SPG11: variants seen among roughly 807,000 people sequenced by gnomAD.
SPG11 encodes SPG11 vesicle trafficking associated, spatacsin.
Under a neutral mutation model 274.0 loss-of-function variants are expected in SPG11, and 222 were observed. The ratio of observed to expected loss-of-function variants is 0.81; its 90% CI spans 0.73 to 0.91. SPG11 has a LOEUF of 0.91. Ranked by LOEUF, SPG11 falls within the 40% of genes least tolerant of loss-of-function variation. The pLI, the probability that SPG11 is intolerant of heterozygous loss-of-function variation, is 0.00. For missense variants in SPG11, 3,114 were observed against 2,872.7 expected (o/e 1.08, Z -1.92); for synonymous variants, 1,144 against 1,039.7 (o/e 1.10, Z -1.93).
intron 19 of SPG11, among the ~76,000 whole-genome samples, chr15:44,606,713 A>T (rs960616713): frequency 6.6e-6 from 1 of 152,212 alleles, no homozygotes; most frequent in Non-Finnish European, 1.5e-5. Flanking sequence ...AAAAAAAGTC[A>T]GGATTTGGAT....
intron 7 of SPG11, 37 bp from the exon 8 acceptor site, chr15:44,633,674 T>C: frequency 1.2e-6 from 2 of 1,601,222 alleles, no homozygotes; most frequent in Non-Finnish European, 1.7e-6. Context: ...AGAAAAAAAT[T>C]ACAATAGGAA....
Position 44,589,477 on chromosome 15 carries a change from CA to C in SPG11, c.4744-64del, listed in dbSNP as rs996566078. The C allele has an allele frequency of 1.2e-5, 19 of 1,597,026 alleles. No individual in the cohort carries two copies. In the African/African-American group the frequency reaches 2.0e-4, roughly 17 times the overall value. Reference sequence around the variant, plus strand: ...CATGAGAATAGCAAATCAAAACCTCCAAATCTGGGAACCTCTAAGAAAGCTA... The same window carrying C: ...CATGAGAATAGCAAATCAAAACCTCCAATCTGGGAACCTCTAAGAAAGCTA... On this transcript the variant is annotated intron_variant, in intron 27 of 39. Coordinates refer to ENST00000261866, the MANE Select transcript of SPG11 (RefSeq NM_025137.4).
At chr15:44,660,770 G>A (rs1333841452) in intron 1 of SPG11, among the ~76,000 whole-genome samples, 154 bp from the exon 2 acceptor site, 3 of 152,126 alleles carry the variant, frequency 2.0e-5, no homozygotes, top group African/African-American at 7.2e-5. Context: ...AACTGCTCTA[G>A]GACCTCCCTC....
chr15:44,600,375 C>G, intron 21 of SPG11, 92 bp downstream of exon 21: 1 of 1,423,936 alleles, frequency 7.0e-7, no homozygotes, highest in Non-Finnish European at 9.9e-7. Flanking sequence ...TCCTTGAACT[C>G]CTGGGCTCAA....
At chr15:44,567,074 G>A (rs531796077) in intron 36 of SPG11, among the ~76,000 whole-genome samples, 2 of 152,064 alleles carry the variant, frequency 1.3e-5, no homozygotes, top group Non-Finnish European at 2.9e-5. Context: ...ATCGAGGGCC[G>A]GGCATGGTGG....
rs938121563 is a variant in SPG11 at position 44,563,062 on chromosome 15, C to T, written c.*59G>A. On this transcript the variant is annotated 3_prime_UTR_variant, in exon 40 of 40. Coordinates refer to ENST00000261866, the MANE Select transcript of SPG11 (RefSeq NM_025137.4). ...CAAAGATCTCCAATGCATTCTTCTT[C>T]TCATCACATCTGTCAGAATCTGCTA... 2.6e-6 allele frequency: 4 copies of T among 1,534,382 alleles called. No individual in the cohort carries two copies. The highest frequency in any genetic ancestry group is 2.2e-5 in the East Asian group (1 of 44,454).
chr15:44,631,803 C>CTTTT (rs1205482825), intron 8 of SPG11, among the ~76,000 whole-genome samples: 37 of 100,458 alleles, frequency 3.7e-4, no homozygotes, highest in Non-Finnish European at 5.0e-4. Flanking sequence ...CTGCACCCAG[C>CTTTT]TTTTTTTTTT....
At chr15:44,638,336 T>C (rs2141070735) in intron 7 of SPG11, among the ~76,000 whole-genome samples, 1 of 152,280 alleles carries the variant, frequency 6.6e-6, no homozygotes. Flanking sequence ...GGCAGGCGCC[T>C]GTAATCCTAG....
intron 31 of SPG11, 56 bp downstream of exon 31, chr15:44,574,846 C>T (rs1462799862): frequency 1.2e-6 from 2 of 1,609,838 alleles, no homozygotes; most frequent in South Asian, 1.1e-5. Context: ...AAATCAACCT[C>T]AAACTTCTCA....
At chr15:44,570,739 G>A (rs2082406335) in intron 33 of SPG11, 81 bp from the exon 34 acceptor site, 1 of 1,556,440 alleles carries the variant, frequency 6.4e-7, no homozygotes, top group African/African-American at 1.4e-5. Flanking sequence ...GAGGGAAAAA[G>A]GGCCTGGTGG....
At chr15:44,651,432 T>C in intron 6 of SPG11, 59 bp downstream of exon 6, 1 of 1,469,934 alleles carries the variant, frequency 6.8e-7, no homozygotes, top group East Asian at 2.3e-5. Flanking sequence ...AGAAGTAAAA[T>C]ACAGTAGGAA....
At chr15:44,605,889 G>T in intron 20 of SPG11, 136 bp downstream of exon 20, 1 of 764,694 alleles carries the variant, frequency 1.3e-6, no homozygotes, top group Non-Finnish European at 2.2e-6. Context: ...CTGTCTTTGC[G>T]AACTATTTTT....
Position 44,615,534 on chromosome 15 carries a change from T to A in SPG11, c.2867A>T (p.Asp956Val). 1 of 1,614,108 alleles carries A rather than the reference T, an allele frequency of 6.2e-7. No homozygotes were observed. The highest frequency in any genetic ancestry group is 8.5e-7 in the Non-Finnish European group (1 of 1,180,008). The stretch of plus-strand genomic sequence containing the variant: ...CAGTCTTAGGAGGAAGCATTCAAAG[T>A]CTTCCAGTTCAGATGCCAAAAAAAC... ...NGVFLASELE[D>V]FECFLLRLSR... Residue 956 changes from aspartate (D) to valine (V), a missense_variant, in exon 16 of 40, where the codon GAC becomes GTC. Physicochemically the swap from Asp to Val is radical, Grantham distance 152. Transcript: ENST00000261866.
chr15:44,660,701 T>C (rs1233011636), intron 1 of SPG11, 85 bp from the exon 2 acceptor site: 3 of 1,289,984 alleles, frequency 2.3e-6, no homozygotes, highest in Non-Finnish European at 3.3e-6. Context: ...GTTGAATAAG[T>C]AGAGAACAGT....
chr15:44,566,325 G>A lies in SPG11; in HGVS notation c.6755-20C>T, dbSNP rs2082308428. ...TGTCCTCTGTAGGGGAAATAAAGAA[G>A]ATTTGCCGAGTCTGACTCCCAAAGC... On this transcript the variant is annotated intron_variant, in intron 36 of 39. Coordinates refer to ENST00000261866, the MANE Select transcript of SPG11 (RefSeq NM_025137.4). The A allele has an allele frequency of 6.2e-7, 1 of 1,602,670 alleles. No homozygotes were observed. The highest frequency in any genetic ancestry group is 1.3e-5 in the African/African-American group (1 of 74,384).
At chr15:44,628,198 A>T (rs1028591191) in intron 10 of SPG11, among the ~76,000 whole-genome samples, 2 of 152,232 alleles carry the variant, frequency 1.3e-5, no homozygotes, top group East Asian at 3.8e-4. Flanking sequence ...ATGGAAACAA[A>T]TTTAACTGGC....
intron 35 of SPG11, among the ~76,000 whole-genome samples, chr15:44,567,947 C>T (rs949441875): frequency 2.6e-4 from 40 of 152,172 alleles, no homozygotes; most frequent in African/African-American, 9.6e-4. Context: ...AGAAACAATC[C>T]AGATGTCCAA....
intron 15 of SPG11, among the ~76,000 whole-genome samples, chr15:44,619,818 G>A (rs1160692135): frequency 6.6e-6 from 1 of 151,764 alleles, no homozygotes; most frequent in Admixed American, 6.6e-5. Context: ...TGCCTCCTGG[G>A]TTCAAGCGAT....
chr15:44,627,593 A>ATT (rs753504528), intron 10 of SPG11, among the ~76,000 whole-genome samples: 2 of 145,648 alleles, frequency 1.4e-5, no homozygotes, highest in Non-Finnish European at 3.0e-5. Flanking sequence ...AAAGTAAGTA[A>ATT]TTTTTTTTTT....
Sources: gnomAD v4.1 joint callset for allele counts (sites outside exome capture counted in the v4.1 genomes callset) on GRCh38, gnomAD v4.1.1 for gene constraint, MANE v1.5 for transcripts, NCBI Gene and HGNC (gene_info 2026-07-23, HGNC 2026-07-21) for gene names.